ACVR1C: variants seen among roughly 807,000 people sequenced by gnomAD.
ACVR1C encodes the protein activin receptor type-1C.
Under a neutral mutation model 57.9 loss-of-function variants are expected in ACVR1C, and 23 were observed. The ratio of observed to expected loss-of-function variants is 0.40; its 90% CI spans 0.29 to 0.56. The LOEUF (loss-of-function observed/expected upper bound fraction) is 0.56, where lower values mean the gene tolerates loss of function less well. Among genes scored for constraint, ACVR1C ranks in the 20% least tolerant of loss-of-function variants. The probability of loss-of-function intolerance (pLI) is 0.50; values close to 1 mark genes in which losing one functional copy is unlikely to be tolerated. For synonymous variants in ACVR1C, 214 were observed against 215.3 expected, an observed-to-expected ratio of 0.99 and a Z score of 0.05; for missense variants, 480 against 607.9, an observed-to-expected ratio of 0.79 and a Z score of 2.21.
At chr2:157,581,536 A>G (rs770412911) in intron 2 of ACVR1C, among the ~76,000 whole-genome samples, 35 of 152,138 alleles carry the variant, frequency 2.3e-4, no homozygotes, top group Non-Finnish European at 2.9e-5. Context: ...ATTTTGTCAC[A>G]CACACAAAAA....
chr2:157,626,378 A>G (rs1029903222), intron 1 of ACVR1C, among the ~76,000 whole-genome samples: 1 of 152,246 alleles, frequency 6.6e-6, no homozygotes, highest in African/African-American at 2.4e-5. Context: ...CCCTAAGGTG[A>G]CAACAATGTG....
chr2:157,590,912 A>C (rs553749034), intron 1 of ACVR1C, among the ~76,000 whole-genome samples: 9 of 152,054 alleles, frequency 5.9e-5, no homozygotes, highest in Non-Finnish European at 1.3e-4. Context: ...CCATTTTCTT[A>C]TATGAAAGGC....
At chr2:157,582,385 G>A (rs548149303) in intron 2 of ACVR1C, among the ~76,000 whole-genome samples, 10 of 152,158 alleles carry the variant, frequency 6.6e-5, no homozygotes, top group Non-Finnish European at 1.0e-4. Context: ...CAGACAACAC[G>A]TATCTTCCCT....
At chr2:157,538,355 T>A (rs1687536520) in intron 8 of ACVR1C, among the ~76,000 whole-genome samples, 1 of 152,112 alleles carries the variant, frequency 6.6e-6, no homozygotes, top group Admixed American at 6.5e-5. Context: ...TAAAGTCTTG[T>A]GGAAAGTCAC....
In ACVR1C at chr2:157,528,015, G is replaced by C. The variant is rs1353609467; in HGVS notation, c.*5903C>G. 1 of 152,104 alleles carries C rather than the reference G, an allele frequency of 6.6e-6. No individual in the cohort carries two copies. The highest frequency in any genetic ancestry group is 6.6e-5 in the Admixed American group (1 of 15,238). 9.4% of individuals were successfully genotyped at this position (152,104 alleles called of 1,614,324 possible). On this transcript the variant is annotated 3_prime_UTR_variant, in exon 9 of 9. Coordinates refer to ENST00000243349, the MANE Select transcript of ACVR1C (RefSeq NM_145259.3). ...AGGAATGCCAGGATGAAAAGATAAA[G>C]TATTATTTCTTCTAAGTTCTTTGTT... is the stretch of plus-strand genomic sequence containing the variant.
chr2:157,628,820 A>T lies in ACVR1C; in HGVS notation c.-176T>A, dbSNP rs1292261008. 2 of 408,934 alleles carry T rather than the reference A, an allele frequency of 4.9e-6. No homozygotes were observed. The highest frequency in any genetic ancestry group is 7.8e-5 in the East Asian group (2 of 25,504). The allele number at this position is 408,934 out of a possible 1,614,324, so 25.3% of individuals were successfully genotyped here. A position where few individuals can be genotyped will look rare whatever the true frequency, so the allele number is the denominator to read the frequency against. On this transcript the variant is annotated 5_prime_UTR_variant, in exon 1 of 9. The change abolishes an upstream ATG in the 5' untranslated region. Coordinates refer to ENST00000243349, the MANE Select transcript of ACVR1C (RefSeq NM_145259.3). ...GGCGCCCCCCTCCCCGGCCGCCCCC[A>T]TCCCACGCCCCCTGCGGCTGGCGGT...
intron 1 of ACVR1C, among the ~76,000 whole-genome samples, chr2:157,602,598 G>A (rs1483641513): frequency 6.6e-6 from 1 of 152,016 alleles, no homozygotes; most frequent in African/African-American, 2.4e-5. Context: ...ACTTCCATTA[G>A]AGTTATTATT....
At chr2:157,613,359 T>C (rs1682573262) in intron 1 of ACVR1C, among the ~76,000 whole-genome samples, 2 of 152,270 alleles carry the variant, frequency 1.3e-5, no homozygotes. Flanking sequence ...TCTAGATTAC[T>C]TATAATACCT....
rs72925483 is a variant in ACVR1C, at chr2:157,595,542, C to T, written c.74-8125G>A. On this transcript the variant is annotated intron_variant, in intron 1 of 8. Coordinates refer to ENST00000243349, the MANE Select transcript of ACVR1C (RefSeq NM_145259.3). ...AAAGGTTATTTTCTTACCCTGGCAG[C>T]CTAAATGGTTCCACATCAAACTGTT... is the stretch of plus-strand genomic sequence containing the variant. Among the ~76,000 whole-genome samples, 1,315 of 152,312 alleles carry T rather than the reference C, an allele frequency of 8.6e-3. 5 individuals carry two copies. Among genetic ancestry groups the T allele is most frequent in the Admixed American group, 0.013 (206 of 15,302 alleles).
chr2:157,628,217 C>A (rs911237183), intron 1 of ACVR1C, among the ~76,000 whole-genome samples: 6 of 152,162 alleles, frequency 3.9e-5, no homozygotes, highest in African/African-American at 1.4e-4. Flanking sequence ...GCAGGGTGAA[C>A]CCAGCTCCCA....
Position 157,528,360 on chromosome 2 carries a change from G to A in ACVR1C, c.*5558C>T, listed in dbSNP as rs1379431911. The A allele has an allele frequency of 6.6e-6, 1 of 152,100 alleles. No homozygotes were observed. Among genetic ancestry groups the A allele is most frequent in the African/African-American group, 2.4e-5 (1 of 41,404 alleles). 9.4% of individuals were successfully genotyped at this position (152,100 alleles called of 1,614,324 possible). On this transcript the variant is annotated 3_prime_UTR_variant, in exon 9 of 9. Transcript: ENST00000243349. ...ACAGTAAACTCTTGCAGTTAAAACT[G>A]TTAGGTCTGGAGAGAAAAATTTCTT...
At chr2:157,568,020 G>A (rs1266355267) in intron 2 of ACVR1C, among the ~76,000 whole-genome samples, 2 of 149,066 alleles carry the variant, frequency 1.3e-5, no homozygotes, top group African/African-American at 4.9e-5. Context: ...CGGATCTCTC[G>A]GCAGAAACCC....
intron 1 of ACVR1C, among the ~76,000 whole-genome samples, chr2:157,616,979 T>A (rs904597074): frequency 2.6e-5 from 4 of 151,966 alleles, no homozygotes; most frequent in Admixed American, 6.6e-5. Context: ...ACTATACTAA[T>A]TGTTAATGGA....
intron 1 of ACVR1C, chr2:157,597,547 G>A (rs1682162570): frequency 1.0e-6 from 1 of 985,426 alleles, no homozygotes; most frequent in South Asian, 4.7e-5. Context: ...CCACCTGCCC[G>A]ACGGCAGCGC....
At position 157,533,349 on chromosome 2, in the gene ACVR1C, G is replaced by C. The variant is rs950717610; in HGVS notation, c.*569C>G. ...AGAACAGGAGAACAGCAGAAGGGGA[G>C]ACCAAGCACATGGGACACCCACCTC... On this transcript the variant is annotated 3_prime_UTR_variant, in exon 9 of 9. Coordinates refer to ENST00000243349, the MANE Select transcript of ACVR1C (RefSeq NM_145259.3). 15 of 152,366 alleles carry C rather than the reference G, an allele frequency of 9.8e-5. No homozygotes were observed. The highest frequency in any genetic ancestry group is 3.4e-4 in the African/African-American group (14 of 41,410). The allele number at this position is 152,366 out of a possible 1,614,324, so 9.4% of individuals were successfully genotyped here.
rs369750502 is a variant in ACVR1C at position 157,563,269 on chromosome 2, G to T, written c.305-6937C>A. ...TAAGCTAATAAACAACCTCAGCAAA[G>T]TCTCAGGATACAAAATCAATGTGCA... is the stretch of plus-strand genomic sequence containing the variant. On this transcript the variant is annotated intron_variant, in intron 2 of 8. Coordinates refer to ENST00000243349, the MANE Select transcript of ACVR1C (RefSeq NM_145259.3). Among the ~76,000 whole-genome samples the T allele has an allele frequency of 2.6e-5, 4 of 152,138 alleles. No individual in the cohort carries two copies. The East Asian group carries it at 7.7e-4, about 29-fold the overall frequency.
In ACVR1C at chr2:157,538,553, A is replaced by G; in HGVS notation, c.1356+20T>C. On this transcript the variant is annotated intron_variant, in intron 8 of 8. Transcript: ENST00000243349. The stretch of plus-strand genomic sequence containing the variant: ...CTCAAAAATATAATAAGAAAAATAT[A>G]GATAAAAACATGGCCTTACTTCACA... 1.3e-6 allele frequency: 2 copies of G among 1,536,550 alleles called. No homozygotes were observed. Among genetic ancestry groups the G allele is most frequent in the Non-Finnish European group, 1.7e-6 (2 of 1,149,110 alleles).
In ACVR1C at chr2:157,572,366, TAAA is replaced by T. The variant is rs35364996; in HGVS notation, c.304+14818_304+14820del. ...ATGTACCCCAAAACTTAGAGTATAA[TAAA>T]AAAAAAAATTAAAAAAAAAAAAAAG... On this transcript the variant is annotated intron_variant, in intron 2 of 8. Transcript: ENST00000243349. Among the ~76,000 whole-genome samples the T allele has an allele frequency of 1.7e-4, 22 of 126,594 alleles. No individual in the cohort carries two copies. In the East Asian group the frequency reaches 5.2e-3, roughly 30 times the overall value. The allele number at this position is 126,594 out of a possible 152,430, so 83.1% of individuals were successfully genotyped here.
rs963403234 is a variant in ACVR1C at position 157,533,982 on chromosome 2, A to C, written c.1418T>G (p.Leu473Arg). 6.3e-7 allele frequency: 1 copy of C among 1,599,518 alleles called. No individual in the cohort carries two copies. Among genetic ancestry groups the C allele is most frequent in the African/African-American group, 1.4e-5 (1 of 73,698 alleles). Residue 473 changes from leucine (L) to arginine (R), a missense_variant, in exon 9 of 9, where the codon CTA becomes CGA. By Grantham distance (102) the Leu-to-Arg change is moderately radical (BLOSUM62 -2). Coordinates refer to ENST00000243349, the MANE Select transcript of ACVR1C (RefSeq NM_145259.3). Reference protein sequence around the residue: ...ECWYANGAARLTALRIKKTIS... With the variant: ...ECWYANGAARRTALRIKKTIS... ...AGTCTTCTTAATACGAAGAGCAGTTAGGCGGGCCGCTCCGTTGGCATACCA... is the reference window on the plus strand; with the variant it reads ...AGTCTTCTTAATACGAAGAGCAGTTCGGCGGGCCGCTCCGTTGGCATACCA...
Sources: gnomAD v4.1 joint callset for allele counts (sites outside exome capture counted in the v4.1 genomes callset) on GRCh38, gnomAD v4.1.1 for gene constraint, MANE v1.5 for transcripts, NCBI Gene and HGNC (gene_info 2026-07-23, HGNC 2026-07-21) for gene names.